Variants in NBEA observed in about 807,000 individuals in gnomAD.
NBEA encodes the protein neurobeachin.
NBEA carries 44 observed loss-of-function variants against 343.4 expected under a neutral mutation model. That is an observed-to-expected ratio of 0.13 (90% CI 0.10 to 0.16). The LOEUF (loss-of-function observed/expected upper bound fraction) is 0.16, where lower values mean the gene tolerates loss of function less well. Ranked by LOEUF, NBEA falls within the 10% of genes least tolerant of loss-of-function variation. The probability of loss-of-function intolerance (pLI) is 1.00; values close to 1 mark genes in which losing one functional copy is unlikely to be tolerated. For synonymous variants in NBEA, 1,175 were observed against 1,238.7 expected, an observed-to-expected ratio of 0.95 and a Z score of 1.08; for missense variants, 2,555 against 3,631.3, an observed-to-expected ratio of 0.70 and a Z score of 7.62.
intron 36 of NBEA, among the ~76,000 whole-genome samples, chr13:35,321,554 C>T (rs2038143939): frequency 6.6e-6 from 1 of 152,228 alleles, no homozygotes; most frequent in Non-Finnish European, 1.5e-5. Context: ...GTGTTTCCTT[C>T]AGTCAGGAAG....
chr13:35,661,896 G>T (rs1380409592), intron 55 of NBEA, among the ~76,000 whole-genome samples: 1 of 152,088 alleles, frequency 6.6e-6, no homozygotes, highest in African/African-American at 2.4e-5. Context: ...GATTTTATCA[G>T]GAGGTTCATC....
At chr13:35,324,207 T>G (rs2038380922) in intron 36 of NBEA, among the ~76,000 whole-genome samples, 1 of 152,118 alleles carries the variant, frequency 6.6e-6, no homozygotes, top group African/African-American at 2.4e-5. Flanking sequence ...AGTGAGGAGA[T>G]AAGATGAGCA....
chr13:35,405,317 G>C (rs2152911167), intron 38 of NBEA, among the ~76,000 whole-genome samples: 1 of 152,262 alleles, frequency 6.6e-6, no homozygotes, highest in South Asian at 2.1e-4. Flanking sequence ...CATTTACCTA[G>C]TAGGTGGCAG....
In NBEA at chr13:35,157,198, G is replaced by T. The variant is rs2069230998; in HGVS notation, c.2772G>T (p.Leu924Phe). The change falls in exon 21 of 59, where the codon TTG (leucine) becomes TTT (phenylalanine). Residue 924 changes from leucine to phenylalanine, a missense_variant. This residue lies in a region of NBEA where 360 missense variants were observed against 519.1 expected (regional missense o/e 0.69). Coordinates refer to ENST00000379939, the MANE Select transcript of NBEA (RefSeq NM_001385012.1). ...EMVYNIFRILLYHAIKYEWGG... is the reference protein window; with the variant it reads ...EMVYNIFRILFYHAIKYEWGG... ...TCTACAATATCTTCCGGATTCTTTT[G>T]TATCATGCAATAAAATATGAATGGG... The T allele has an allele frequency of 6.2e-7, 1 of 1,609,654 alleles. No homozygotes were observed. The highest frequency in any genetic ancestry group is 8.5e-7 in the Non-Finnish European group (1 of 1,177,778).
At chr13:35,241,839 C>G (rs1281165165) in intron 34 of NBEA, among the ~76,000 whole-genome samples, 1 of 151,870 alleles carries the variant, frequency 6.6e-6, no homozygotes, top group Non-Finnish European at 1.5e-5. Context: ...TTATCCCACA[C>G]CCTCCTCAAC....
At chr13:35,315,394 G>C (rs1051036324) in intron 36 of NBEA, among the ~76,000 whole-genome samples, 1 of 152,160 alleles carries the variant, frequency 6.6e-6, no homozygotes, top group Non-Finnish European at 1.5e-5. Context: ...TCTAACAAAG[G>C]ATCTTTATAA....
At chr13:35,607,244 A>G (rs1166748083) in intron 48 of NBEA, among the ~76,000 whole-genome samples, 2 of 152,114 alleles carry the variant, frequency 1.3e-5, no homozygotes, top group African/African-American at 2.4e-5. Flanking sequence ...TTTTGGTAAG[A>G]TAGGATCTCA....
intron 1 of NBEA, among the ~76,000 whole-genome samples, chr13:35,034,748 G>GT (rs2152552525): frequency 6.6e-6 from 1 of 151,842 alleles, no homozygotes; most frequent in African/African-American, 2.4e-5. Context: ...TTTCTTCCTG[G>GT]TTCAATCTTG....
chr13:35,110,408 A>G (rs1250029734), intron 12 of NBEA, among the ~76,000 whole-genome samples: 1 of 152,094 alleles, frequency 6.6e-6, no homozygotes, highest in African/African-American at 2.4e-5. Flanking sequence ...AAAAATATGT[A>G]TGTTTTCAGA....
intron 10 of NBEA, among the ~76,000 whole-genome samples, chr13:35,094,494 A>G (rs1251732261): frequency 6.6e-6 from 1 of 152,086 alleles, no homozygotes; most frequent in Non-Finnish European, 1.5e-5. Flanking sequence ...TGCTAAATAT[A>G]CCTGGAGTTA....
chr13:35,517,121 T>C (rs2152990099), intron 41 of NBEA, among the ~76,000 whole-genome samples: 1 of 152,302 alleles, frequency 6.6e-6, no homozygotes, highest in East Asian at 1.9e-4. Flanking sequence ...TGCCCACATA[T>C]TCCTTGATTT....
intron 41 of NBEA, among the ~76,000 whole-genome samples, chr13:35,536,416 G>C (rs2078545086): frequency 6.6e-6 from 1 of 150,824 alleles, no homozygotes; most frequent in Non-Finnish European, 1.5e-5. Context: ...ATCTGCATTT[G>C]TTTTTTTTTA....
chr13:35,550,672 G>T, intron 42 of NBEA, 78 bp downstream of exon 42: 3 of 883,850 alleles, frequency 3.4e-6, no homozygotes, highest in Non-Finnish European at 5.4e-6. Flanking sequence ...ATAATGTCTT[G>T]ATTTTTCCTA....
At chr13:35,663,518 G>A (rs1480791057) in intron 55 of NBEA, among the ~76,000 whole-genome samples, 1 of 151,576 alleles carries the variant, frequency 6.6e-6, no homozygotes, top group Non-Finnish European at 1.5e-5. Context: ...TTCATTATTT[G>A]TTGGACACTT....
chr13:35,330,972 T>C (rs776680923), intron 36 of NBEA, among the ~76,000 whole-genome samples: 13 of 151,960 alleles, frequency 8.6e-5, no homozygotes, highest in Non-Finnish European at 1.8e-4. Context: ...AAAAAAAGTT[T>C]GATTAGTAGC....
chr13:35,466,124 T>C (rs1295754298), intron 40 of NBEA, among the ~76,000 whole-genome samples: 2 of 152,212 alleles, frequency 1.3e-5, no homozygotes, highest in Non-Finnish European at 2.9e-5. Flanking sequence ...GATGTAGGTT[T>C]ACTCTCATCT....
In NBEA at chr13:35,309,504, G is replaced by T. The variant is rs919523417; in HGVS notation, c.5839-24G>T. ...TTCATTAAGTGTTCACTTTTCTCACGTTTGTTTTGGTTTCTCCTTTTAGGA... is the reference window on the plus strand; with the variant it reads ...TTCATTAAGTGTTCACTTTTCTCACTTTTGTTTTGGTTTCTCCTTTTAGGA... On this transcript the variant is annotated intron_variant, in intron 35 of 58. Transcript: ENST00000379939. The T allele has an allele frequency of 1.3e-6, 2 of 1,499,590 alleles. 1 individual carries two copies. Among genetic ancestry groups the T allele is most frequent in the South Asian group, 2.4e-5 (2 of 81,850 alleles). 92.9% of individuals were successfully genotyped at this position (1,499,590 alleles called of 1,614,324 possible).
At chr13:35,495,419 A>G (rs1358147483) in intron 41 of NBEA, among the ~76,000 whole-genome samples, 2 of 152,044 alleles carry the variant, frequency 1.3e-5, no homozygotes, top group African/African-American at 2.4e-5. Context: ...TTATCCAATA[A>G]TAGTTGGAAA....
At chr13:35,593,202 G>A in intron 46 of NBEA, 126 bp from the exon 47 acceptor site, 2 of 992,590 alleles carry the variant, frequency 2.0e-6, no homozygotes, top group South Asian at 2.0e-5. Flanking sequence ...TAATTTGGGG[G>A]CATCTTTCTA....
Sources: gnomAD v4.1 joint callset for allele counts (sites outside exome capture counted in the v4.1 genomes callset) on GRCh38, gnomAD v4.1.1 for gene constraint, gnomAD v4.1.1 regional missense constraint, MANE v1.5 for transcripts, NCBI Gene and HGNC (gene_info 2026-07-23, HGNC 2026-07-21) for gene names.